The following ANO4 variants were observed in gnomAD, a reference collection of about 807,000 sequenced individuals.
ANO4 encodes anoctamin 4, also known as anoctamin-4.
A neutral mutation model predicts 141.9 loss-of-function variants in ANO4; 69 were observed. The observed-to-expected ratio is 0.49, with a 90% CI of 0.40 to 0.59. The LOEUF is 0.59. Among genes scored for constraint, ANO4 ranks in the 20% least tolerant of loss-of-function variants. ANO4 has a pLI of 0.00. For missense variants in ANO4, 894 were observed against 1,162.2 expected (o/e 0.77, Z 3.36); for synonymous variants, 350 against 394.3 (o/e 0.89, Z 1.33).
intron 8 of ANO4, among the ~76,000 whole-genome samples, chr12:100,988,508 A>G (rs2044837255): frequency 6.6e-6 from 1 of 151,716 alleles, no homozygotes; most frequent in Admixed American, 6.6e-5. Context: ...CTCCATAAAA[A>G]TGACTTACCT....
upstream of ANO4, among the ~76,000 whole-genome samples, chr12:100,793,783 C>A (rs1260158899): frequency 6.6e-6 from 1 of 152,040 alleles, no homozygotes. Context: ...ATCATCACAA[C>A]CAAATACAAA....
intron 14 of ANO4, among the ~76,000 whole-genome samples, chr12:101,067,613 G>A (rs771985205): frequency 1.3e-5 from 2 of 152,182 alleles, no homozygotes; most frequent in Non-Finnish European, 2.9e-5. Flanking sequence ...AACCTGGGAG[G>A]TAGAAGTTGC....
intron 1 of ANO4, among the ~76,000 whole-genome samples, chr12:100,873,597 T>C (rs1020580236): frequency 5.3e-5 from 8 of 152,148 alleles, no homozygotes; most frequent in Admixed American, 3.3e-4. Flanking sequence ...ACATTGAAGA[T>C]GTGGTGTGGC....
rs1593379234 is a variant in ANO4, at chr12:100,806,523, C to CTT, written c.-141+11496_-141+11497insTT. Among the ~76,000 whole-genome samples the CTT allele has an allele frequency of 2.0e-3, 90 of 44,982 alleles. 27 individuals are homozygous for CTT. Among genetic ancestry groups the CTT allele is most frequent in the Admixed American group, 5.6e-3 (18 of 3,212 alleles). 29.5% of individuals were successfully genotyped at this position (44,982 alleles called of 152,430 possible). A position where few individuals can be genotyped will look rare whatever the true frequency, so the allele number is the denominator to read the frequency against. ...TTTTTAGGAGGTTTTTTTTTTGTTT[C>CTT]GTTTTTTTTTTTTTTTTTTTTTTTT... On this transcript the variant is annotated intron_variant, in intron 1 of 27. Transcript: ENST00000392977.
intron 13 of ANO4, among the ~76,000 whole-genome samples, chr12:101,044,134 C>G (rs1040903619): frequency 6.6e-6 from 1 of 152,148 alleles, no homozygotes; most frequent in Admixed American, 6.5e-5. Flanking sequence ...TTAAGGCTAG[C>G]TCAGCCACTT....
intron 1 of ANO4, among the ~76,000 whole-genome samples, chr12:100,887,068 C>T (rs1333721850): frequency 6.6e-6 from 1 of 152,228 alleles, no homozygotes; most frequent in Non-Finnish European, 1.5e-5. Flanking sequence ...ACATTTTGCT[C>T]ACTTGGCTAA....
At chr12:101,045,406 A>G (rs1274403438) in intron 13 of ANO4, among the ~76,000 whole-genome samples, 16 of 152,312 alleles carry the variant, frequency 1.1e-4, no homozygotes, top group Non-Finnish European at 2.1e-4. Context: ...TGAATTTAAC[A>G]TTTGGCCTTG....
intron 26 of ANO4, among the ~76,000 whole-genome samples, chr12:101,124,046 G>A (rs1375599771): frequency 3.3e-5 from 5 of 152,102 alleles, no homozygotes; most frequent in Non-Finnish European, 7.3e-5. Context: ...TTGCCACACT[G>A]TCTTCCACAA....
At position 100,871,944 on chromosome 12, in the gene ANO4, G is replaced by T. The variant is rs557861967; in HGVS notation, c.-140-29702G>T. ...TCATAAACATTTAGTTTATAAAAAA[G>T]GGCTGCTTGGTGTATCATGGCCACT... On this transcript the variant is annotated intron_variant, in intron 1 of 27. Transcript: ENST00000392977. Among the ~76,000 whole-genome samples, 3 of 152,220 alleles carry T rather than the reference G, an allele frequency of 2.0e-5. No homozygotes were observed. The East Asian group carries it at 5.8e-4, about 29-fold the overall frequency.
chr12:101,038,750 C>G (rs2047298507), intron 10 of ANO4: 1 of 152,132 alleles, frequency 6.6e-6, no homozygotes, highest in South Asian at 2.1e-4. Flanking sequence ...ACCTGAGTTT[C>G]TTTCTCCTAG....
intron 1 of ANO4, among the ~76,000 whole-genome samples, chr12:100,726,904 TACAC>T (rs147165877): frequency 6.6e-6 from 1 of 150,848 alleles, no homozygotes; most frequent in Admixed American, 6.6e-5. Flanking sequence ...TGGTAATTTA[TACAC>T]ACACACACAC....
intron 3 of ANO4, among the ~76,000 whole-genome samples, chr12:100,774,183 AC>A (rs11310418): frequency 0.28 from 43,081 of 152,072 alleles, 6,521 homozygotes; most frequent in Non-Finnish European, 0.35. Context: ...ATGTGGTTTT[AC>A]CCTCTCAGTA....
intron 5 of ANO4, among the ~76,000 whole-genome samples, chr12:100,958,555 G>A (rs2136227601): frequency 6.6e-6 from 1 of 152,242 alleles, no homozygotes. Context: ...GTTAGAAGGT[G>A]ATAAATAGAG....
intron 1 of ANO4, among the ~76,000 whole-genome samples, chr12:100,868,740 T>A (rs1298361368): frequency 6.6e-6 from 1 of 152,122 alleles, no homozygotes; most frequent in Non-Finnish European, 1.5e-5. Context: ...TCATCCTAGG[T>A]CCACTTCACC....
chr12:101,072,887 T>A (rs1275489010), intron 14 of ANO4, among the ~76,000 whole-genome samples: 1 of 152,086 alleles, frequency 6.6e-6, no homozygotes, highest in Admixed American at 6.6e-5. Flanking sequence ...CAATGAGATA[T>A]CATCTTGCAC....
chr12:100,912,392 C>CAAAAAAAAAAA (rs35934592), intron 2 of ANO4, among the ~76,000 whole-genome samples: 2 of 67,354 alleles, frequency 3.0e-5, no homozygotes, highest in Non-Finnish European at 5.8e-5. Context: ...AGGACTCTGT[C>CAAAAAAAAAAA]AAAAAAAAAA....
chr12:100,871,272 G>A (rs576346056), intron 1 of ANO4, among the ~76,000 whole-genome samples: 10 of 152,244 alleles, frequency 6.6e-5, no homozygotes, highest in African/African-American at 9.6e-5. Context: ...TTTCTAGGCC[G>A]TATTCCAAAA....
chr12:101,125,440 C>T (rs1039212003), intron 26 of ANO4, among the ~76,000 whole-genome samples: 2 of 152,158 alleles, frequency 1.3e-5, no homozygotes, highest in Non-Finnish European at 2.9e-5. Context: ...TCCTCTCTTC[C>T]TATTTGAATA....
intron 1 of ANO4, among the ~76,000 whole-genome samples, chr12:100,821,782 C>A (rs2036067561): frequency 6.6e-6 from 1 of 152,020 alleles, no homozygotes; most frequent in Admixed American, 6.6e-5. Flanking sequence ...CAATGTTTTA[C>A]AGTTATAAAC....
Sources: allele counts gnomAD v4.1 joint callset (sites outside exome capture counted in the v4.1 genomes callset), GRCh38; gene constraint gnomAD v4.1.1; transcripts MANE v1.5; gene names NCBI Gene and HGNC (gene_info 2026-07-23, HGNC 2026-07-21).